Variants in LYRM7 observed in about 807,000 individuals in gnomAD.
The protein encoded by LYRM7 is complex III assembly factor LYRM7.
LYRM7 carries 9 observed loss-of-function variants against 15.8 expected under a neutral mutation model. The ratio of observed to expected loss-of-function variants is 0.57; its 90% CI spans 0.34 to 0.99. LYRM7 has a LOEUF of 0.99. Among genes scored for constraint, LYRM7 ranks in the 50% least tolerant of loss-of-function variants. LYRM7 has a pLI of 0.02. For missense variants in LYRM7, 115 were observed against 119.1 expected, an observed-to-expected ratio of 0.97 and a Z score of 0.16; for synonymous variants, 39 against 39.4, an observed-to-expected ratio of 0.99 and a Z score of 0.04.
At chr5:131,196,142 C>T (rs1262263485) in intron 4 of LYRM7, among the ~76,000 whole-genome samples, 2 of 138,028 alleles carry the variant, frequency 1.4e-5, no homozygotes, top group Non-Finnish European at 3.0e-5. Flanking sequence ...GTCCTTCTGT[C>T]GCTCAGGCTG....
intron 1 of LYRM7, among the ~76,000 whole-genome samples, chr5:131,176,561 A>T (rs1755606307): frequency 6.9e-6 from 1 of 145,960 alleles, no homozygotes; most frequent in African/African-American, 2.5e-5. Context: ...AAATTCTTTG[A>T]CTTTTTATTT....
In LYRM7 at chr5:131,171,046, G is replaced by A. The variant is rs975881964; in HGVS notation, c.18+8G>A. 1 of 1,528,444 alleles carries A rather than the reference G, an allele frequency of 6.5e-7. No homozygotes were observed. Among genetic ancestry groups the A allele is most frequent in the Non-Finnish European group, 8.7e-7 (1 of 1,148,166 alleles). The allele number at this position is 1,528,444 out of a possible 1,614,324, so 94.7% of individuals were successfully genotyped here. A position where few individuals can be genotyped will look rare whatever the true frequency, so the allele number is the denominator to read the frequency against. On this transcript the variant is annotated splice_region_variant and intron_variant, in intron 1 of 4. Transcript: ENST00000379380. The stretch of plus-strand genomic sequence containing the variant: ...ATGGGACGGGCAGTCAAGGTGACAG[G>A]GCCCGGGAAGGGGTGGGTACGATGC...
In LYRM7 at chr5:131,199,764, A is replaced by G. The variant is rs888368571; in HGVS notation, c.*163A>G. 1 of 434,770 alleles carries G rather than the reference A, an allele frequency of 2.3e-6. No homozygotes were observed. The allele number at this position is 434,770 out of a possible 1,614,324, so 26.9% of individuals were successfully genotyped here. ...ATTTCATGTTAAAAGGTCATTACTG[A>G]GAACTAAAGAACATAATTAAGTATT... On this transcript the variant is annotated 3_prime_UTR_variant, in exon 5 of 5. Coordinates refer to ENST00000379380, the MANE Select transcript of LYRM7 (RefSeq NM_181705.4).
chr5:131,181,392 A>C (rs1473364267), intron 2 of LYRM7, among the ~76,000 whole-genome samples: 1 of 98,384 alleles, frequency 1.0e-5, no homozygotes, highest in Non-Finnish European at 1.8e-5. Context: ...ATATATACAT[A>C]TATATTATAT....
At chr5:131,172,054 GTTGTAATAAATGCT>G (rs1260698062) in intron 1 of LYRM7, among the ~76,000 whole-genome samples, 1 of 152,180 alleles carries the variant, frequency 6.6e-6, no homozygotes, top group Non-Finnish European at 1.5e-5. Context: ...TTTAATTACA[GTTGTAATAAATGCT>G]TTGATTTGAA....
At chr5:131,187,608 C>T (rs1218288212) in intron 4 of LYRM7, among the ~76,000 whole-genome samples, 1 of 151,938 alleles carries the variant, frequency 6.6e-6, no homozygotes, top group African/African-American at 2.4e-5. Context: ...CCTCAGCCTC[C>T]CAACTAGCTA....
At chr5:131,189,972 G>C (rs1190378124) in intron 4 of LYRM7, among the ~76,000 whole-genome samples, 2 of 151,400 alleles carry the variant, frequency 1.3e-5, no homozygotes, top group East Asian at 3.9e-4. Context: ...GTCTCTACCA[G>C]AAATACGAAA....
Position 131,202,428 on chromosome 5 carries a change from A to G in LYRM7, c.*2827A>G. On this transcript the variant is annotated 3_prime_UTR_variant, in exon 5 of 5. Coordinates refer to ENST00000379380, the MANE Select transcript of LYRM7 (RefSeq NM_181705.4). Reference sequence around the variant, plus strand: ...AGAATTACTTGAGCCAGGGAAGCAGAGGTTGTGGTGAGCTAAGATTGTGCC... The same window carrying G: ...AGAATTACTTGAGCCAGGGAAGCAGGGGTTGTGGTGAGCTAAGATTGTGCC... 1 of 152,386 alleles carries G rather than the reference A, an allele frequency of 6.6e-6. No homozygotes were observed. The highest frequency in any genetic ancestry group is 1.5e-5 in the Non-Finnish European group (1 of 68,092). 9.4% of individuals were successfully genotyped at this position (152,386 alleles called of 1,614,324 possible).
intron 1 of LYRM7, among the ~76,000 whole-genome samples, chr5:131,179,455 C>CT (rs1276304946): frequency 0.015 from 1,432 of 95,280 alleles, 22 homozygotes; most frequent in African/African-American, 0.051. Context: ...TTTTTCTTTT[C>CT]TTTTTTTTTT....
At chr5:131,182,143 C>T in intron 2 of LYRM7, 86 bp from the exon 3 acceptor site, 1 of 1,144,912 alleles carries the variant, frequency 8.7e-7, no homozygotes, top group South Asian at 1.5e-5. Flanking sequence ...GAGAAGTAGC[C>T]ATTCATAGTG....
chr5:131,189,616 TC>T (rs1755854336), intron 4 of LYRM7, among the ~76,000 whole-genome samples: 1 of 152,238 alleles, frequency 6.6e-6, no homozygotes, highest in Non-Finnish European at 1.5e-5. Context: ...AGACCACTCT[TC>T]CCCCTACTAC....
chr5:131,185,112 G>A (rs768319389), intron 3 of LYRM7, among the ~76,000 whole-genome samples: 9 of 151,270 alleles, frequency 5.9e-5, no homozygotes, highest in Non-Finnish European at 1.2e-4. Flanking sequence ...GCTTCTAGCC[G>A]CACTCCCTAC....
chr5:131,184,642 G>GT (rs947647651), intron 3 of LYRM7, among the ~76,000 whole-genome samples: 18 of 142,330 alleles, frequency 1.3e-4, no homozygotes, highest in African/African-American at 5.2e-4. Flanking sequence ...TTTTTTGGCG[G>GT]GGGGGGGGTT....
Position 131,199,535 on chromosome 5 carries a change from G to C in LYRM7, c.249G>C (p.Leu83=), listed in dbSNP as rs1756023920. ...GIHTDHNTLK[L]VPRKDLLVEN... ...TCTTTTTTTTTTTTCTTTCAGAACTGGTCCCTAGGAAAGACCTTCTTGTAG... is the reference window on the plus strand; with the variant it reads ...TCTTTTTTTTTTTTCTTTCAGAACTCGTCCCTAGGAAAGACCTTCTTGTAG... The change falls in exon 5 of 5, where the codon CTG becomes CTC. Residue 83 remains leucine (L), a synonymous_variant. Transcript: ENST00000379380. 2 of 1,584,954 alleles carry C rather than the reference G, an allele frequency of 1.3e-6. No homozygotes were observed. Among genetic ancestry groups the C allele is most frequent in the Admixed American group, 1.8e-5 (1 of 56,774 alleles).
Position 131,201,342 on chromosome 5 carries a change from AG to A in LYRM7, c.*1743del, listed in dbSNP as rs1378952181. ...AAAAAAAAAGAAAAAAAAAGGAAAAAGGAAAAAAAAAAGATATATTGATACA... is the reference window on the plus strand; with the variant it reads ...AAAAAAAAAGAAAAAAAAAGGAAAAAGAAAAAAAAAAGATATATTGATACA... On this transcript the variant is annotated 3_prime_UTR_variant, in exon 5 of 5. Coordinates refer to ENST00000379380, the MANE Select transcript of LYRM7 (RefSeq NM_181705.4). 1 of 151,424 alleles carries A rather than the reference AG, an allele frequency of 6.6e-6. No homozygotes were observed. The highest frequency in any genetic ancestry group is 1.5e-5 in the Non-Finnish European group (1 of 67,956). The allele number at this position is 151,424 out of a possible 1,614,324, so 9.4% of individuals were successfully genotyped here.
At chr5:131,180,987 G>A (rs548636531) in intron 2 of LYRM7, among the ~76,000 whole-genome samples, 193 of 151,748 alleles carry the variant, frequency 1.3e-3, no homozygotes, top group Middle Eastern at 6.8e-3. Context: ...ACCACCTTAC[G>A]TATTGAAATA....
Position 131,181,302 on chromosome 5 carries a change from A to AATATATATATAT in LYRM7, c.92-923_92-912dup, listed in dbSNP as rs1561544194. Among the ~76,000 whole-genome samples, 36 of 8,748 alleles carry AATATATATATAT rather than the reference A, an allele frequency of 4.1e-3. 2 individuals are homozygous for AATATATATATAT. Among genetic ancestry groups the AATATATATATAT allele is most frequent in the East Asian group, 0.01 (3 of 296 alleles). 5.7% of individuals were successfully genotyped at this position (8,748 alleles called of 152,430 possible). A position where few individuals can be genotyped will look rare whatever the true frequency, so the allele number is the denominator to read the frequency against. On this transcript the variant is annotated intron_variant, in intron 2 of 4. Transcript: ENST00000379380. ...AAAAAAAAAAAAAAAAAAAAAAAAA[A>AATATATATATAT]ATATATATATATATACACACACACA...
chr5:131,190,743 A>G (rs1580698648), intron 4 of LYRM7, among the ~76,000 whole-genome samples: 1 of 151,914 alleles, frequency 6.6e-6, no homozygotes, highest in Non-Finnish European at 1.5e-5. Context: ...CACCTGCCTC[A>G]GCCTCCCAAA....
intron 3 of LYRM7, among the ~76,000 whole-genome samples, chr5:131,184,023 T>A (rs925879397): frequency 6.6e-6 from 1 of 152,168 alleles, no homozygotes. Context: ...CAGGCTGGAG[T>A]GCAGTGGCAT....
Sources: allele counts gnomAD v4.1 joint callset (sites outside exome capture counted in the v4.1 genomes callset), GRCh38; gene constraint gnomAD v4.1.1; transcripts MANE v1.5; gene names NCBI Gene and HGNC (gene_info 2026-07-23, HGNC 2026-07-21).